The following NUP205 variants were observed in gnomAD, a reference collection of about 807,000 sequenced individuals.
NUP205 encodes the protein nucleoporin 205.
A neutral mutation model predicts 253.8 loss-of-function variants in NUP205; 76 were observed. The ratio of observed to expected loss-of-function variants is 0.30; its 90% CI spans 0.25 to 0.36. NUP205 has a LOEUF of 0.36. Among genes scored for constraint, NUP205 ranks in the 10% least tolerant of loss-of-function variants. The pLI is 1.00. For missense variants in NUP205, 2,162 were observed against 2,425.5 expected (o/e 0.89, Z 2.28); for synonymous variants, 832 against 850.1 (o/e 0.98, Z 0.37).
intron 30 of NUP205, among the ~76,000 whole-genome samples, chr7:135,621,772 G>A (rs1296743880): frequency 6.6e-6 from 1 of 151,988 alleles, no homozygotes; most frequent in African/African-American, 2.4e-5. Context: ...TGTCTACATT[G>A]TACCTGATCC....
intron 25 of NUP205, 138 bp from the exon 26 acceptor site, chr7:135,616,952 C>G (rs1213700545): frequency 1.3e-5 from 9 of 671,334 alleles, no homozygotes; most frequent in Non-Finnish European, 1.9e-5. Context: ...AATTTAGATT[C>G]CAATACAGTT....
At chr7:135,641,004 G>T (rs1476374353) in intron 38 of NUP205, among the ~76,000 whole-genome samples, 1 of 152,000 alleles carries the variant, frequency 6.6e-6, no homozygotes, top group Non-Finnish European at 1.5e-5. Flanking sequence ...GTTCAAGGCT[G>T]CAGTGAGCCA....
intron 40 of NUP205, 75 bp from the exon 41 acceptor site, chr7:135,645,393 T>C (rs997713982): frequency 3.1e-5 from 47 of 1,497,884 alleles, no homozygotes; most frequent in Non-Finnish European, 4.2e-5. Flanking sequence ...TCTGTCCTTT[T>C]TTCTTCTCCT....
At chr7:135,613,103 G>T in intron 22 of NUP205, among the ~76,000 whole-genome samples, 1 of 151,170 alleles carries the variant, frequency 6.6e-6, no homozygotes, top group African/African-American at 2.4e-5. Flanking sequence ...AAAAAAATTT[G>T]CTGATTTATA....
chr7:135,623,082 A>G (rs528098588), intron 31 of NUP205, among the ~76,000 whole-genome samples, 157 bp downstream of exon 31: 30 of 152,296 alleles, frequency 2.0e-4, no homozygotes, highest in African/African-American at 7.2e-4. Flanking sequence ...GTTTGAGACT[A>G]GCCTGGGCAA....
intron 11 of NUP205, 105 bp downstream of exon 11, chr7:135,591,705 G>T: frequency 1.0e-6 from 1 of 966,640 alleles, no homozygotes; most frequent in African/African-American, 1.7e-5. Flanking sequence ...TTCTACCAGA[G>T]GTATAAATTA....
chr7:135,560,731 C>T (rs1413848591), intron 1 of NUP205, among the ~76,000 whole-genome samples: 1 of 152,082 alleles, frequency 6.6e-6, no homozygotes, highest in Non-Finnish European at 1.5e-5. Flanking sequence ...AGTCACAAGA[C>T]ACAAATACTA....
intron 18 of NUP205, 149 bp downstream of exon 18, chr7:135,603,143 T>C: frequency 1.8e-6 from 1 of 566,398 alleles, no homozygotes; most frequent in Non-Finnish European, 3.0e-6. Flanking sequence ...TGAGATGGAG[T>C]CTCGCTCTGT....
intron 22 of NUP205, among the ~76,000 whole-genome samples, chr7:135,612,407 T>A (rs1794262745): frequency 6.6e-6 from 1 of 152,194 alleles, no homozygotes; most frequent in Non-Finnish European, 1.5e-5. Context: ...GCACTATAAC[T>A]CAGCCTGAAT....
In NUP205 at chr7:135,636,548, C is replaced by T. The variant is rs139656485; in HGVS notation, c.5136+891C>T. On this transcript the variant is annotated intron_variant, in intron 36 of 42. Transcript: ENST00000285968. ...TCTTTTATTGGTATGGAGGAAGACA[C>T]CTTTTTGATGGATCTTTCATAAGGT... Among the ~76,000 whole-genome samples, 810 of 152,182 alleles carry T rather than the reference C, an allele frequency of 5.3e-3. 1 individual carries two copies. Among genetic ancestry groups the T allele is most frequent in the Non-Finnish European group, 8.6e-3 (585 of 68,002 alleles).
intron 1 of NUP205, among the ~76,000 whole-genome samples, chr7:135,560,682 C>T (rs1003734842): frequency 6.6e-6 from 1 of 152,118 alleles, no homozygotes; most frequent in African/African-American, 2.4e-5. Flanking sequence ...CATAAAACAA[C>T]GTGGATGAAA....
At chr7:135,572,600 C>T (rs1415065275) in intron 2 of NUP205, among the ~76,000 whole-genome samples, 2 of 152,182 alleles carry the variant, frequency 1.3e-5, no homozygotes, top group Non-Finnish European at 2.9e-5. Context: ...CTCACTCTGT[C>T]GTCCAGTCTG....
In NUP205 at chr7:135,638,316, G is replaced by A. The variant is rs553054962; in HGVS notation, c.5266-241G>A. On this transcript the variant is annotated intron_variant, in intron 37 of 42. Transcript: ENST00000285968. ...GTGTGCCCAGCTACTTGGGGTGGCT[G>A]AGGCAGGAGAATTGCTTGAACCCAA... Among the ~76,000 whole-genome samples, 172 of 151,514 alleles carry A rather than the reference G, an allele frequency of 1.1e-3. 2 individuals carry two copies. The highest frequency in any genetic ancestry group is 1.3e-3 in the Non-Finnish European group (90 of 67,944).
At chr7:135,621,626 A>G (rs1252551296) in intron 30 of NUP205, among the ~76,000 whole-genome samples, 4 of 152,192 alleles carry the variant, frequency 2.6e-5, no homozygotes, top group African/African-American at 9.7e-5. Context: ...CTTACATAAA[A>G]TGTATGATCA....
rs192572737 is a variant in NUP205, at chr7:135,615,708, C to T, written c.3311-208C>T. Among the ~76,000 whole-genome samples, 816 of 152,150 alleles carry T rather than the reference C, an allele frequency of 5.4e-3. 5 individuals carry two copies. The highest frequency in any genetic ancestry group is 7.6e-3 in the Non-Finnish European group (516 of 67,980). ...TCTTCATTTACTTTAGCCCATCTTT[C>T]GTAAATTTATACTAGCTTATTTTTT... is the stretch of plus-strand genomic sequence containing the variant. On this transcript the variant is annotated intron_variant, in intron 23 of 42. Transcript: ENST00000285968.
rs1338524690 is a variant in NUP205 at position 135,601,265 on chromosome 7, A to G, written c.2375-105A>G. On this transcript the variant is annotated intron_variant, in intron 16 of 42. Coordinates refer to ENST00000285968, the MANE Select transcript of NUP205 (RefSeq NM_015135.3). ...TCTAAATTGAAACTTGCCTTTATCT[A>G]TCTAGATGCCATCTAATTTACAAGT... 6 of 1,059,814 alleles carry G rather than the reference A, an allele frequency of 5.7e-6. No individual in the cohort carries two copies. The Admixed American group carries it at 1.4e-4, about 24-fold the overall frequency. The allele number at this position is 1,059,814 out of a possible 1,614,324, so 65.7% of individuals were successfully genotyped here. A position where few individuals can be genotyped will look rare whatever the true frequency, so the allele number is the denominator to read the frequency against.
At chr7:135,646,334 G>T in intron 42 of NUP205, 103 bp downstream of exon 42, 1 of 820,762 alleles carries the variant, frequency 1.2e-6, no homozygotes. Flanking sequence ...AGGCCGAGAC[G>T]GGAGGATTGC....
chr7:135,572,689 A>G (rs1806031203), intron 2 of NUP205, among the ~76,000 whole-genome samples: 1 of 152,138 alleles, frequency 6.6e-6, no homozygotes, highest in African/African-American at 2.4e-5. Flanking sequence ...CCTCCAGAGT[A>G]GCTGGATTAC....
rs147813666 is a variant in NUP205 at position 135,562,608 on chromosome 7, C to T, written c.28+4636C>T. 2.1e-3 allele frequency among the ~76,000 whole-genome samples: 268 copies of T among 128,498 alleles called. 2 individuals carry two copies. Among genetic ancestry groups the T allele is most frequent in the South Asian group, 5.9e-3 (23 of 3,890 alleles). The allele number at this position is 128,498 out of a possible 152,430, so 84.3% of individuals were successfully genotyped here. The stretch of plus-strand genomic sequence containing the variant: ...CTGTTGCCAGGCTGGAGTGCAGTGG[C>T]GCGATCTTGGCTCACTGAAACCTCT... On this transcript the variant is annotated intron_variant, in intron 1 of 42. Coordinates refer to ENST00000285968, the MANE Select transcript of NUP205 (RefSeq NM_015135.3).
Sources: gnomAD v4.1 joint callset for allele counts (sites outside exome capture counted in the v4.1 genomes callset) on GRCh38, gnomAD v4.1.1 for gene constraint, MANE v1.5 for transcripts, NCBI Gene and HGNC (gene_info 2026-07-23, HGNC 2026-07-21) for gene names.